The following STXBP5L variants were observed in gnomAD, a reference collection of about 807,000 sequenced individuals.
The protein encoded by STXBP5L is syntaxin-binding protein 5-like.
STXBP5L carries 65 observed loss-of-function variants against 144.5 expected under a neutral mutation model. The ratio of observed to expected loss-of-function variants is 0.45; its 90% CI spans 0.37 to 0.55. The LOEUF is 0.55. Ranked by LOEUF, STXBP5L falls within the 20% of genes least tolerant of loss-of-function variation. STXBP5L has a pLI of 0.00. For missense variants in STXBP5L, 1,298 were observed against 1,405.5 expected (o/e 0.92, Z 1.22); for synonymous variants, 505 against 469.6 (o/e 1.08, Z -0.97).
At chr3:121,078,648 C>T (rs2042126387) in intron 5 of STXBP5L, among the ~76,000 whole-genome samples, 2 of 152,230 alleles carry the variant, frequency 1.3e-5, no homozygotes, top group Admixed American at 1.3e-4. Context: ...TCAGGCATGG[C>T]CAGCTGCAGG....
At chr3:121,210,061 G>A (rs2048496574) in intron 10 of STXBP5L, among the ~76,000 whole-genome samples, 1 of 152,138 alleles carries the variant, frequency 6.6e-6, no homozygotes, top group Non-Finnish European at 1.5e-5. Context: ...CAGTGTAAAA[G>A]TGTTCCTATT....
chr3:121,333,482 C>T (rs1278218681), intron 20 of STXBP5L, among the ~76,000 whole-genome samples: 1 of 150,788 alleles, frequency 6.6e-6, no homozygotes, highest in Admixed American at 6.6e-5. Context: ...GGACCAAGAG[C>T]AAACCAACCC....
chr3:121,198,083 A>G (rs1482541503), intron 9 of STXBP5L, among the ~76,000 whole-genome samples: 2 of 152,164 alleles, frequency 1.3e-5, no homozygotes, highest in Non-Finnish European at 2.9e-5. Context: ...TGTCTTCCAC[A>G]TTGATTGAAG....
intron 19 of STXBP5L, among the ~76,000 whole-genome samples, chr3:121,301,391 A>G (rs960519044): frequency 5.3e-5 from 8 of 152,092 alleles, no homozygotes; most frequent in Non-Finnish European, 1.2e-4. Flanking sequence ...TTGCACGTTG[A>G]TTTTGTATCC....
intron 9 of STXBP5L, among the ~76,000 whole-genome samples, chr3:121,165,739 A>C (rs896973988): frequency 8.6e-5 from 13 of 152,032 alleles, no homozygotes; most frequent in African/African-American, 3.1e-4. Context: ...TACCACTCCC[A>C]AACAGAAGAG....
At chr3:121,097,345 G>A (rs1328548995) in intron 5 of STXBP5L, among the ~76,000 whole-genome samples, 2 of 152,144 alleles carry the variant, frequency 1.3e-5, no homozygotes, top group Non-Finnish European at 1.5e-5. Context: ...CATTCCAGGA[G>A]CCACTGGGGT....
At chr3:120,949,726 T>C (rs970550913) in intron 2 of STXBP5L, among the ~76,000 whole-genome samples, 2 of 151,870 alleles carry the variant, frequency 1.3e-5, no homozygotes, top group Non-Finnish European at 2.9e-5. Flanking sequence ...AAATACCTTG[T>C]CAAAATATTC....
At chr3:121,192,409 T>C (rs1340151613) in intron 9 of STXBP5L, among the ~76,000 whole-genome samples, 2 of 152,200 alleles carry the variant, frequency 1.3e-5, no homozygotes, top group African/African-American at 4.8e-5. Context: ...AGTTAATTTA[T>C]AGATTCAATG....
intron 3 of STXBP5L, among the ~76,000 whole-genome samples, chr3:120,958,477 A>T (rs1390142503): frequency 6.6e-6 from 1 of 151,298 alleles, no homozygotes; most frequent in Non-Finnish European, 1.5e-5. Flanking sequence ...TTAGACCAGT[A>T]TCCCTGATGA....
At chr3:121,316,574 T>C (rs960177293) in intron 19 of STXBP5L, among the ~76,000 whole-genome samples, 2 of 152,180 alleles carry the variant, frequency 1.3e-5, no homozygotes, top group African/African-American at 4.8e-5. Context: ...GGGTTAATAT[T>C]ATAACCCCTC....
rs373413572 is a variant in STXBP5L at position 121,315,876 on chromosome 3, C to T, written c.2111-2599C>T. Among the ~76,000 whole-genome samples the T allele has an allele frequency of 3.3e-5, 5 of 151,852 alleles. No individual in the cohort carries two copies. In the East Asian group the frequency reaches 9.7e-4, roughly 29 times the overall value. On this transcript the variant is annotated intron_variant, in intron 19 of 26. Coordinates refer to ENST00000471454, the MANE Select transcript of STXBP5L (RefSeq NM_001308330.2). ...AATTAGCTGGGCTTGGTGGCACACA[C>T]CTGTAATCCCAGCTACTTGAGAGGC...
At chr3:121,301,027 C>A (rs1007867227) in intron 19 of STXBP5L, among the ~76,000 whole-genome samples, 1 of 152,126 alleles carries the variant, frequency 6.6e-6, no homozygotes, top group African/African-American at 2.4e-5. Context: ...TTTGGCAATG[C>A]GGGATCTTTT....
intron 22 of STXBP5L, among the ~76,000 whole-genome samples, chr3:121,389,188 A>T (rs1344690628): frequency 6.6e-6 from 1 of 152,158 alleles, no homozygotes; most frequent in African/African-American, 2.4e-5. Context: ...AGAGGTGTTT[A>T]TAGTATTCTC....
At chr3:121,383,099 T>C (rs940883177) in intron 22 of STXBP5L, among the ~76,000 whole-genome samples, 1 of 151,890 alleles carries the variant, frequency 6.6e-6, no homozygotes, top group African/African-American at 2.4e-5. Flanking sequence ...CTGGGCAACA[T>C]AGTGAGACCC....
At chr3:120,935,242 A>G (rs1379201773) in intron 2 of STXBP5L, among the ~76,000 whole-genome samples, 1 of 151,798 alleles carries the variant, frequency 6.6e-6, no homozygotes, top group Non-Finnish European at 1.5e-5. Context: ...TTAAATAACA[A>G]TGTACCACTA....
chr3:121,014,347 C>T (rs1022575068), intron 3 of STXBP5L, among the ~76,000 whole-genome samples: 1 of 151,984 alleles, frequency 6.6e-6, no homozygotes, highest in Non-Finnish European at 1.5e-5. Flanking sequence ...GAAAACACTA[C>T]TAACCTTCTG....
chr3:121,075,604 C>G (rs2041986168), intron 5 of STXBP5L, among the ~76,000 whole-genome samples: 1 of 152,192 alleles, frequency 6.6e-6, no homozygotes, highest in African/African-American at 2.4e-5. Context: ...TACCTGCAGC[C>G]TCTGTGTCAA....
At chr3:121,095,368 A>T (rs554265464) in intron 5 of STXBP5L, among the ~76,000 whole-genome samples, 6 of 152,184 alleles carry the variant, frequency 3.9e-5, no homozygotes, top group African/African-American at 1.4e-4. Flanking sequence ...TTGGATAATA[A>T]CCTGCAGAGT....
intron 5 of STXBP5L, among the ~76,000 whole-genome samples, chr3:121,056,811 TTTTC>T (rs1176244003): frequency 6.6e-6 from 1 of 151,920 alleles, no homozygotes; most frequent in East Asian, 1.9e-4. Context: ...TGTAACATAA[TTTTC>T]TTTCTTATAT....
Sources: allele counts gnomAD v4.1 joint callset (sites outside exome capture counted in the v4.1 genomes callset), GRCh38; gene constraint gnomAD v4.1.1; transcripts MANE v1.5; gene names NCBI Gene and HGNC (gene_info 2026-07-23, HGNC 2026-07-21).